XPO6: variants seen among roughly 807,000 people sequenced by gnomAD.
The protein encoded by XPO6 is exportin 6.
Under a neutral mutation model 130.0 loss-of-function variants are expected in XPO6, and 3 were observed. The ratio of observed to expected loss-of-function variants is 0.02; its 90% CI spans 0.01 to 0.06. XPO6 has a LOEUF of 0.06. Ranked by LOEUF, XPO6 falls within the 10% of genes least tolerant of loss-of-function variation. XPO6 has a pLI of 1.00. For missense variants in XPO6, 970 were observed against 1,393.0 expected (o/e 0.70, Z 4.83); for synonymous variants, 524 against 548.9 (o/e 0.95, Z 0.63).
intron 15 of XPO6, among the ~76,000 whole-genome samples, chr16:28,116,000 T>A (rs1270234976): frequency 1.3e-5 from 2 of 152,240 alleles, no homozygotes; most frequent in Non-Finnish European, 2.9e-5. Flanking sequence ...GGCTTTGGCT[T>A]AAGGGAATGT....
At chr16:28,100,206 C>T (rs1381646475) in intron 23 of XPO6, among the ~76,000 whole-genome samples, 1 of 152,146 alleles carries the variant, frequency 6.6e-6, no homozygotes, top group Non-Finnish European at 1.5e-5. Context: ...CCAGGCTGGT[C>T]TCAAACCCCC....
intron 11 of XPO6, among the ~76,000 whole-genome samples, chr16:28,133,595 G>A (rs1167346631): frequency 6.6e-6 from 1 of 152,180 alleles, no homozygotes; most frequent in Non-Finnish European, 1.5e-5. Flanking sequence ...ACTGATAAAG[G>A]TATTAAGGCT....
intron 9 of XPO6, among the ~76,000 whole-genome samples, chr16:28,138,995 A>G (rs555910111): frequency 2.6e-5 from 4 of 152,366 alleles, no homozygotes; most frequent in East Asian, 3.9e-4. Context: ...TAAAACAGCT[A>G]TAATAACAAT....
chr16:28,105,733 A>C, intron 20 of XPO6: 1 of 289,422 alleles, frequency 3.5e-6, no homozygotes, highest in Non-Finnish European at 6.6e-6. Context: ...AGGAAAGTAC[A>C]TATGTTAGAA....
intron 3 of XPO6, among the ~76,000 whole-genome samples, chr16:28,176,613 A>G (rs2043537990): frequency 6.7e-6 from 1 of 149,574 alleles, no homozygotes; most frequent in Admixed American, 6.6e-5. Context: ...TTCTCCTACC[A>G]CAGCCTCCAG....
chr16:28,119,048 C>T (rs2087153930), intron 14 of XPO6, among the ~76,000 whole-genome samples: 1 of 152,132 alleles, frequency 6.6e-6, no homozygotes, highest in South Asian at 2.1e-4. Flanking sequence ...CAGGGTCTCG[C>T]TCTGTTGCCC....
At position 28,204,998 on chromosome 16, in the gene XPO6, G is replaced by A. The variant is rs1466069309; in HGVS notation, c.3+6368C>T. ...GATCCCTTGAGCCCAGGAGTTCAAG[G>A]CTGCTGTGAACTATGGTCACTCCAC... is the stretch of plus-strand genomic sequence containing the variant. On this transcript the variant is annotated intron_variant, in intron 1 of 23. Transcript: ENST00000304658. Among the ~76,000 whole-genome samples, 4 of 152,222 alleles carry A rather than the reference G, an allele frequency of 2.6e-5. No individual in the cohort carries two copies. The South Asian group carries it at 8.3e-4, about 32-fold the overall frequency.
intron 5 of XPO6, chr16:28,167,197 C>T (rs1411901155): frequency 3.0e-6 from 3 of 985,322 alleles, no homozygotes; most frequent in Admixed American, 1.2e-4. Context: ...CTCTGCCTCA[C>T]ACGATGGGGG....
At chr16:28,195,972 A>G (rs1343038557) in intron 1 of XPO6, among the ~76,000 whole-genome samples, 1 of 152,166 alleles carries the variant, frequency 6.6e-6, no homozygotes, top group Non-Finnish European at 1.5e-5. Context: ...AAGTTCTCCA[A>G]TTTGCACTCC....
chr16:28,101,698 G>A lies in XPO6; in HGVS notation c.3046-10C>T. On this transcript the variant is annotated splice_polypyrimidine_tract_variant and intron_variant, in intron 22 of 23. Coordinates refer to ENST00000304658, the MANE Select transcript of XPO6 (RefSeq NM_015171.4). This position sits in a 1 kb window ranked among gnomAD's most constrained non-coding sequence, Gnocchi z 5.4. ...CAGTCCGGAAGATCTTCTGCAGGCA[G>A]AGAGACCAGGTGAGCAGCAGCCAGC... 1 of 1,602,656 alleles carries A rather than the reference G, an allele frequency of 6.2e-7. No homozygotes were observed. Among genetic ancestry groups the A allele is most frequent in the African/African-American group, 1.3e-5 (1 of 74,870 alleles).
chr16:28,099,750 T>C (rs2086615487), intron 23 of XPO6, among the ~76,000 whole-genome samples: 1 of 152,216 alleles, frequency 6.6e-6, no homozygotes, highest in African/African-American at 2.4e-5. Context: ...CATGAAAGAC[T>C]TGGTGAAGGC....
chr16:28,148,745 T>G (rs962716197), intron 8 of XPO6, among the ~76,000 whole-genome samples: 10 of 152,062 alleles, frequency 6.6e-5, no homozygotes, highest in African/African-American at 2.2e-4. Context: ...AAATCAGAAC[T>G]AGAAAGTGGA....
In XPO6 at chr16:28,132,002, C is replaced by G. The variant is rs1304082283; in HGVS notation, c.1606+332G>C. 6.6e-6 allele frequency among the ~76,000 whole-genome samples: 1 copy of G among 152,172 alleles called. No individual in the cohort carries two copies. On this transcript the variant is annotated intron_variant, in intron 12 of 23. Coordinates refer to ENST00000304658, the MANE Select transcript of XPO6 (RefSeq NM_015171.4). The surrounding 1 kb of genome is among the most constrained non-coding windows in gnomAD (Gnocchi z 4.0). ...AAAGTGAGCAGGAAGCAAGAAAGCA[C>G]AAGGCCATGTTCTCCCTAGTACACC...
At chr16:28,167,864 C>T (rs1293976206) in intron 5 of XPO6, among the ~76,000 whole-genome samples, 1 of 121,250 alleles carries the variant, frequency 8.2e-6, no homozygotes, top group Admixed American at 1.1e-4. Context: ...ATGAGAATTC[C>T]AAAAAAGGCA....
At chr16:28,151,179 TAAAAAAAAAA>T (rs57769506) in intron 8 of XPO6, among the ~76,000 whole-genome samples, 2 of 106,770 alleles carry the variant, frequency 1.9e-5, no homozygotes, top group Middle Eastern at 6.0e-3. Flanking sequence ...CACTAGTGGT[TAAAAAAAAAA>T]AAAAAAAAAG....
At chr16:28,134,380 C>T (rs1047983994) in intron 10 of XPO6, among the ~76,000 whole-genome samples, 2 of 152,228 alleles carry the variant, frequency 1.3e-5, no homozygotes, top group African/African-American at 4.8e-5. Context: ...CCCAAGCCTC[C>T]AGAATCAGAA....
intron 1 of XPO6, among the ~76,000 whole-genome samples, chr16:28,204,810 T>G (rs2044003231): frequency 6.6e-6 from 1 of 152,174 alleles, no homozygotes; most frequent in Non-Finnish European, 1.5e-5. Context: ...TGTCTGACAC[T>G]ACTGACAGAT....
chr16:28,162,872 G>C (rs1471032588), intron 6 of XPO6, among the ~76,000 whole-genome samples: 1 of 152,036 alleles, frequency 6.6e-6, no homozygotes, highest in African/African-American at 2.4e-5. Flanking sequence ...ATAAACTTTC[G>C]TGCAAAGCTT....
intron 1 of XPO6, among the ~76,000 whole-genome samples, chr16:28,203,147 T>C (rs1483461483): frequency 6.6e-6 from 1 of 151,836 alleles, no homozygotes; most frequent in African/African-American, 2.4e-5. Context: ...TGGTGATGCA[T>C]ACGTATAGTT....
Sources: allele counts gnomAD v4.1 joint callset (sites outside exome capture counted in the v4.1 genomes callset), GRCh38; gene constraint gnomAD v4.1.1; non-coding constraint Gnocchi (gnomAD v3.1); transcripts MANE v1.5; gene names NCBI Gene and HGNC (gene_info 2026-07-23, HGNC 2026-07-21).